The following GET4 variants were observed in gnomAD, a reference collection of about 807,000 sequenced individuals.
The protein encoded by GET4 is guided entry of tail-anchored proteins factor 4.
In GET4, 20 loss-of-function variants were observed where a neutral mutation model predicts 40.0. That is an observed-to-expected ratio of 0.50 (90% CI 0.35 to 0.73). GET4 has a LOEUF of 0.73. GET4 is among the 30% of genes least tolerant of loss of function. GET4 has a pLI of 0.01. For synonymous variants in GET4, 280 were observed against 194.6 expected, an observed-to-expected ratio of 1.44 and a Z score of -3.65; for missense variants, 557 against 454.0, an observed-to-expected ratio of 1.23 and a Z score of -2.06.
intron 5 of GET4, among the ~76,000 whole-genome samples, chr7:891,785 G>C (rs73042475): frequency 0.046 from 7,055 of 152,356 alleles, 231 homozygotes; most frequent in Non-Finnish European, 0.071. Context: ...GTGAAAAGCT[G>C]GGTCAAACCC....
Position 895,411 on chromosome 7 carries a change from G to C in GET4, c.973G>C (p.Glu325Gln). ...EESPSDGSPI[E>Q]LD ...GAGCCCCAGCGACGGCAGCCCCATC[G>C]AGCTGGACTGAACTGGCCAGGCCAC... Residue 325 changes from glutamate (E) to glutamine (Q), a missense_variant, in exon 9 of 9, where the codon GAG becomes CAG. Glu to Gln is a conservative substitution (Grantham distance 29). Coordinates refer to ENST00000265857, the MANE Select transcript of GET4 (RefSeq NM_015949.3). The C allele has an allele frequency of 2.5e-6, 4 of 1,569,094 alleles. No individual in the cohort carries two copies. Among genetic ancestry groups the C allele is most frequent in the Non-Finnish European group, 3.5e-6 (4 of 1,141,016 alleles).
chr7:878,484 G>A (rs753656829), intron 1 of GET4, among the ~76,000 whole-genome samples: 2 of 152,008 alleles, frequency 1.3e-5, no homozygotes, highest in Admixed American at 6.6e-5. Context: ...CCACAGGGCC[G>A]TGAATGTTTT....
At chr7:884,834 G>C (rs1844156218) in intron 1 of GET4, 1 of 155,948 alleles carries the variant, frequency 6.4e-6, no homozygotes, top group African/African-American at 2.4e-5. Context: ...CATCCGTCTA[G>C]GCAGTGGTGC....
chr7:890,863 C>T, intron 4 of GET4, 65 bp from the exon 5 acceptor site: 1 of 1,284,432 alleles, frequency 7.8e-7, no homozygotes, highest in Non-Finnish European at 1.1e-6. Flanking sequence ...GAGTGTCTTT[C>T]CCCCTTTCCT....
Position 876,612 on chromosome 7 carries a change from C to T in GET4, c.-34C>T, listed in dbSNP as rs1199417534. The T allele has an allele frequency of 6.0e-6, 7 of 1,169,594 alleles. No individual in the cohort carries two copies. The highest frequency in any genetic ancestry group is 1.6e-5 in the African/African-American group (1 of 61,508). 72.5% of individuals were successfully genotyped at this position (1,169,594 alleles called of 1,614,324 possible). ...CGGGAGGCGCTGCCGACCGCGCCTGCGACAGCGTCAGCCCTGCGCGGAGCG... is the reference window on the plus strand; with the variant it reads ...CGGGAGGCGCTGCCGACCGCGCCTGTGACAGCGTCAGCCCTGCGCGGAGCG... On this transcript the variant is annotated 5_prime_UTR_variant, in exon 1 of 9. Coordinates refer to ENST00000265857, the MANE Select transcript of GET4 (RefSeq NM_015949.3).
At chr7:878,740 C>A (rs1314758529) in intron 1 of GET4, among the ~76,000 whole-genome samples, 1 of 152,040 alleles carries the variant, frequency 6.6e-6, no homozygotes, top group Non-Finnish European at 1.5e-5. Flanking sequence ...ACCACCACCC[C>A]CGGCTAATTT....
chr7:887,465 G>A lies in GET4; in HGVS notation c.412G>A (p.Gly138Arg), dbSNP rs760937574. Residue 138 changes from glycine (G) to arginine (R), a missense_variant, in exon 4 of 9, where the codon GGG becomes AGG. Gly to Arg is a moderately radical substitution (Grantham distance 125, BLOSUM62 -2). Transcript: ENST00000265857. ...RALKWSSGGS[G>R]KLGHPRLHQL... ...CCTGAAGTGGTCCAGTGGGGGCTCC[G>A]GGAAGCTGGGCCACCCCCGGCTGCA... 33 of 1,590,056 alleles carry A rather than the reference G, an allele frequency of 2.1e-5. 1 individual carries two copies. The highest frequency in any genetic ancestry group is 6.7e-5 in the African/African-American group (5 of 74,124).
intron 8 of GET4, among the ~76,000 whole-genome samples, chr7:895,015 C>T (rs754171902): frequency 4.0e-5 from 6 of 151,732 alleles, no homozygotes; most frequent in South Asian, 2.1e-4. Context: ...TAGGTCCCTC[C>T]GTGGCTCCTG....
At chr7:894,494 A>C (rs1844425339) in intron 8 of GET4, among the ~76,000 whole-genome samples, 1 of 151,912 alleles carries the variant, frequency 6.6e-6, no homozygotes, top group Non-Finnish European at 1.5e-5. Context: ...ACCTCTCCCC[A>C]CAGATGTCTG....
intron 6 of GET4, 111 bp downstream of exon 6, chr7:892,529 A>G: frequency 8.3e-7 from 1 of 1,199,290 alleles, no homozygotes; most frequent in Non-Finnish European, 1.2e-6. Context: ...TGGTGTGGGT[A>G]GCCGTGTGGG....
rs187695562 is a variant in GET4, at chr7:879,108, C to G, written c.155+2308C>G. Among the ~76,000 whole-genome samples, 421 of 152,306 alleles carry G rather than the reference C, an allele frequency of 2.8e-3. 3 individuals carry two copies. The highest frequency in any genetic ancestry group is 9.2e-3 in the African/African-American group (381 of 41,568). On this transcript the variant is annotated intron_variant, in intron 1 of 8. Transcript: ENST00000265857. The stretch of plus-strand genomic sequence containing the variant: ...CACTCCCTGAAGACCCTCTGCTGGG[C>G]CTAGATTTTAAATATTTTCTTTCCA...
intron 4 of GET4, 23 bp from the exon 5 acceptor site, chr7:890,905 A>G (rs747377065): frequency 7.7e-6 from 12 of 1,567,496 alleles, no homozygotes; most frequent in Non-Finnish European, 9.7e-6. Flanking sequence ...ATGTATTTAC[A>G]TTTTTCTGTC....
At chr7:884,141 C>CA (rs1286604447) in intron 1 of GET4, 1 of 1,248,660 alleles carries the variant, frequency 8.0e-7, no homozygotes, top group Non-Finnish European at 1.0e-6. Context: ...CAGATAGAAG[C>CA]ATCCAGAACG....
Position 890,979 on chromosome 7 carries a change from A to C in GET4, c.518A>C (p.Glu173Ala). ...CATTTTCTGCACTCAGCGGACGGGG[A>C]GGGCTGTGCCAACATGCTGGTGGAG... ...RYHFLHSADG[E>A]GCANMLVEYS... The change falls in exon 5 of 9, where the codon GAG becomes GCG. Residue 173 changes from glutamate to alanine, a missense_variant. Transcript: ENST00000265857. 5.6e-6 allele frequency: 9 copies of C among 1,609,026 alleles called. No homozygotes were observed. The highest frequency in any genetic ancestry group is 7.7e-6 in the Non-Finnish European group (9 of 1,175,702).
At position 887,352 on chromosome 7, in the gene GET4, G is replaced by C. The variant is rs767796022; in HGVS notation, c.317-18G>C. ...AGTGGCCGTGCGTTCCTCTGATGAG[G>C]GTCTGTGCTGTTTGCAGAAAATCTG... is the stretch of plus-strand genomic sequence containing the variant. On this transcript the variant is annotated intron_variant, in intron 3 of 8. Transcript: ENST00000265857. The C allele has an allele frequency of 6.4e-6, 10 of 1,574,560 alleles. No individual in the cohort carries two copies. The East Asian group carries it at 2.3e-4, about 36-fold the overall frequency.
Position 890,911 on chromosome 7 carries a change from C to G in GET4, c.467-17C>G. On this transcript the variant is annotated splice_polypyrimidine_tract_variant and intron_variant, in intron 4 of 8. Transcript: ENST00000265857. Reference sequence around the variant, plus strand: ...ATTCGTGAAATGTATTTACATTTTTCTGTCTTTCCTTTGCAGAACAAAACT... The same window carrying G: ...ATTCGTGAAATGTATTTACATTTTTGTGTCTTTCCTTTGCAGAACAAAACT... 2 of 1,575,012 alleles carry G rather than the reference C, an allele frequency of 1.3e-6. No individual in the cohort carries two copies. The highest frequency in any genetic ancestry group is 1.7e-6 in the Non-Finnish European group (2 of 1,145,014).
At chr7:881,624 TTA>T (rs1490457894) in intron 1 of GET4, 1 of 152,232 alleles carries the variant, frequency 6.6e-6, no homozygotes, top group African/African-American at 2.4e-5. Context: ...TTAAATATTC[TTA>T]TGTTTATTTT....
chr7:881,178 C>G (rs1290619037), intron 1 of GET4: 1 of 152,174 alleles, frequency 6.6e-6, no homozygotes, highest in Non-Finnish European at 1.5e-5. Flanking sequence ...TTTTAAAATG[C>G]TTTTATGTCA....
At chr7:894,718 T>G (rs186067647) in intron 8 of GET4, among the ~76,000 whole-genome samples, 47 of 152,326 alleles carry the variant, frequency 3.1e-4, no homozygotes, top group African/African-American at 7.9e-4. Context: ...GGTGACGTCG[T>G]GGATAAGAGA....
Sources: allele counts gnomAD v4.1 joint callset (sites outside exome capture counted in the v4.1 genomes callset), GRCh38; gene constraint gnomAD v4.1.1; transcripts MANE v1.5; gene names NCBI Gene and HGNC (gene_info 2026-07-23, HGNC 2026-07-21).